The following MYH11 variants were observed in gnomAD, a reference collection of about 807,000 sequenced individuals.
MYH11 encodes the protein myosin-11.
A neutral mutation model predicts 246.6 loss-of-function variants in MYH11; 80 were observed. That is an observed-to-expected ratio of 0.32 (90% CI 0.27 to 0.39). The LOEUF is 0.39. Ranked by LOEUF, MYH11 falls within the 10% of genes least tolerant of loss-of-function variation. The pLI is 1.00. For synonymous variants in MYH11, 1,071 were observed against 1,015.5 expected, an observed-to-expected ratio of 1.05 and a Z score of -1.04; for missense variants, 2,158 against 2,546.8, an observed-to-expected ratio of 0.85 and a Z score of 3.29.
chr16:15,711,716 C>T (rs1379152175), intron 40 of MYH11, among the ~76,000 whole-genome samples: 2 of 151,918 alleles, frequency 1.3e-5, no homozygotes, highest in East Asian at 1.9e-4. Context: ...TTTTTGAGAC[C>T]GAGTTTTGGT....
chr16:15,711,365 T>C (rs1048008018), intron 40 of MYH11: 9 of 152,164 alleles, frequency 5.9e-5, no homozygotes, highest in Non-Finnish European at 4.4e-5. Context: ...TAATGGCTGT[T>C]GTCACTCCCT....
chr16:15,724,742 G>C lies in MYH11; in HGVS notation c.4021C>G (p.Leu1341Val). 6.2e-7 allele frequency: 1 copy of C among 1,614,180 alleles called. No homozygotes were observed. The highest frequency in any genetic ancestry group is 8.5e-7 in the Non-Finnish European group (1 of 1,180,036). ...KLNVSTKLRQ[L>V]EEERNSLQDQ... The stretch of plus-strand genomic sequence containing the variant: ...TGCAGGCTGTTCCGCTCCTCCTCCA[G>C]CTGGCGCAGCTTCGTAGACACGTTG... Residue 1341 changes from leucine to valine, a missense_variant, in exon 30 of 41, where the codon CTG (leucine) becomes GTG (valine). Leu to Val is a conservative substitution (Grantham distance 32, BLOSUM62 1). This residue lies in a region of MYH11 where 1,013 missense variants were observed against 993.5 expected (regional missense o/e 1.02). Coordinates refer to ENST00000300036, the MANE Select transcript of MYH11 (RefSeq NM_002474.3).
At chr16:15,779,946 C>T (rs1304025629) in intron 6 of MYH11, among the ~76,000 whole-genome samples, 3 of 152,198 alleles carry the variant, frequency 2.0e-5, no homozygotes, top group Admixed American at 1.3e-4. Flanking sequence ...TTGCTCAGTC[C>T]TTGACAAAAC....
chr16:15,772,548 T>C (rs1178585493), intron 8 of MYH11, among the ~76,000 whole-genome samples: 7 of 152,210 alleles, frequency 4.6e-5, no homozygotes, highest in Non-Finnish European at 1.0e-4. Context: ...TTATCTCTTT[T>C]AGCTGCTTTT....
rs1212314228 is a variant in MYH11, at chr16:15,721,546, G to A, written c.4454C>T (p.Ala1485Val). Residue 1485 changes from alanine to valine, a missense_variant, in exon 32 of 41, where the codon GCC (alanine) becomes GTC (valine). Ala to Val is a moderately conservative substitution (Grantham distance 64). This residue lies in a region of MYH11 where 1,013 missense variants were observed against 993.5 expected (regional missense o/e 1.02). Transcript: ENST00000300036. ...TTCAAGGGCCCGAGCCAGGGACAGG[G>A]CCTTGGTTTCCTTCTCCCTGGCTTC... ...EAEAREKETK[A>V]LSLARALEEA... 6.2e-7 allele frequency: 1 copy of A among 1,614,070 alleles called. No individual in the cohort carries two copies. Among genetic ancestry groups the A allele is most frequent in the African/African-American group, 1.3e-5 (1 of 74,930 alleles).
chr16:15,798,635 C>CA, intron 4 of MYH11, 25 bp downstream of exon 4: 1 of 1,111,306 alleles, frequency 9.0e-7, no homozygotes. Context: ...AAAAAAAAAA[C>CA]AGAAGAAAAA....
intron 37 of MYH11, chr16:15,717,623 C>T (rs928382430): frequency 7.2e-6 from 4 of 555,432 alleles, no homozygotes; most frequent in Admixed American, 3.1e-5. Context: ...GGTGAAACCC[C>T]GTCTCTATTA....
chr16:15,712,247 C>T (rs999247354), intron 40 of MYH11, among the ~76,000 whole-genome samples: 2 of 152,098 alleles, frequency 1.3e-5, no homozygotes, highest in African/African-American at 4.8e-5. Flanking sequence ...GTCTGAGGTT[C>T]TAGGAAGAAG....
rs1025799474 is a variant in MYH11, at chr16:15,736,190, G to A, written c.3294-612C>T. ...GAGAAAGTGAAATAGTTGGGTTGGG[G>A]TGAGACTGCAGAGGGTGGATGGGCT... is the stretch of plus-strand genomic sequence containing the variant. On this transcript the variant is annotated intron_variant, in intron 25 of 40. Transcript: ENST00000300036. 6.8e-4 allele frequency among the ~76,000 whole-genome samples: 104 copies of A among 152,224 alleles called. 1 individual carries two copies. Among genetic ancestry groups the A allele is most frequent in the Non-Finnish European group, 2.2e-4 (15 of 68,040 alleles).
rs368204701 is a variant in MYH11 at position 15,829,124 on chromosome 16, T to C, written c.346-5713A>G. 2.7e-4 allele frequency among the ~76,000 whole-genome samples: 40 copies of C among 150,238 alleles called. No homozygotes were observed. In the East Asian group the frequency reaches 7.2e-3, roughly 27 times the overall value. On this transcript the variant is annotated intron_variant, in intron 2 of 40. Coordinates refer to ENST00000300036, the MANE Select transcript of MYH11 (RefSeq NM_002474.3). The stretch of plus-strand genomic sequence containing the variant: ...ACCTGAACCAAGGAGGCAGAGGTTA[T>C]GTGAGCCGAGATCATGCCACCACAC...
At chr16:15,708,446 A>C (rs2039586779) in intron 40 of MYH11, among the ~76,000 whole-genome samples, 1 of 152,232 alleles carries the variant, frequency 6.6e-6, no homozygotes, top group Admixed American at 6.5e-5. Flanking sequence ...AGCACTGCTG[A>C]GTGCCCTAAC....
chr16:15,784,813 A>G, intron 5 of MYH11: 1 of 1,415,244 alleles, frequency 7.1e-7, no homozygotes, highest in Admixed American at 1.9e-5. Flanking sequence ...GATCCCCCCA[A>G]ACAGCCTGGA....
chr16:15,727,614 G>C lies in MYH11; in HGVS notation c.3652-560C>G, dbSNP rs575517963. Among the ~76,000 whole-genome samples, 35 of 152,254 alleles carry C rather than the reference G, an allele frequency of 2.3e-4. No individual in the cohort carries two copies. In the Middle Eastern group the frequency reaches 0.01, roughly 44 times the overall value. On this transcript the variant is annotated intron_variant, in intron 27 of 40. Coordinates refer to ENST00000300036, the MANE Select transcript of MYH11 (RefSeq NM_002474.3). ...ACCCTTTCACTACTTTTAAAAAAAT[G>C]AGTTGCCGACATTTTAATAAATGTC...
At position 15,715,003 on chromosome 16, in the gene MYH11, C is replaced by T. The variant is rs1363749589; in HGVS notation, c.5692G>A (p.Ala1898Thr). The T allele has an allele frequency of 1.2e-5, 20 of 1,613,794 alleles. No individual in the cohort carries two copies. Among genetic ancestry groups the T allele is most frequent in the Admixed American group, 3.3e-5 (2 of 59,992 alleles). ...EAEEESQRIN[A>T]NRRKLQRELD... ...TCCCGCTGCAGCTTCCTGCGGTTGG[C>T]GTTGATGCGCTGGGACTCCTCCTCT... The change falls in exon 40 of 41, where the codon GCC (alanine) becomes ACC (threonine). Residue 1898 changes from alanine (A) to threonine (T), a missense_variant. Ala to Thr is a moderately conservative substitution (Grantham distance 58). This residue lies in a region of MYH11 where 1,013 missense variants were observed against 993.5 expected (regional missense o/e 1.02). Transcript: ENST00000300036.
intron 2 of MYH11, among the ~76,000 whole-genome samples, chr16:15,824,052 T>C (rs974920776): frequency 1.3e-5 from 2 of 152,160 alleles, no homozygotes; most frequent in South Asian, 2.1e-4. Context: ...TTACTATGTG[T>C]TGGGCACCGA....
At chr16:15,821,254 T>C (rs544220011) in intron 3 of MYH11, among the ~76,000 whole-genome samples, 18 of 152,290 alleles carry the variant, frequency 1.2e-4, no homozygotes, top group Non-Finnish European at 4.4e-5. Flanking sequence ...ACAGTGAAAC[T>C]TTGGTCTCTG....
chr16:15,719,496 T>C, intron 35 of MYH11, 89 bp downstream of exon 35: 4 of 1,591,974 alleles, frequency 2.5e-6, no homozygotes, highest in Non-Finnish European at 3.4e-6. Flanking sequence ...GAGGACGAAA[T>C]GAAATCTGGG....
chr16:15,802,571 C>G (rs2042912537), intron 3 of MYH11, among the ~76,000 whole-genome samples: 2 of 152,180 alleles, frequency 1.3e-5, no homozygotes. Flanking sequence ...TCTTCGGCCT[C>G]CCCTGTAGCT....
intron 2 of MYH11, among the ~76,000 whole-genome samples, chr16:15,825,914 A>G (rs150782932): frequency 6.6e-6 from 1 of 152,240 alleles, no homozygotes; most frequent in Non-Finnish European, 1.5e-5. Context: ...TCTGATGGCC[A>G]TAAAGCGTAT....
Sources: allele counts gnomAD v4.1 joint callset (sites outside exome capture counted in the v4.1 genomes callset), GRCh38; gene constraint gnomAD v4.1.1; regional missense constraint gnomAD v4.1.1; transcripts MANE v1.5; gene names NCBI Gene and HGNC (gene_info 2026-07-23, HGNC 2026-07-21).